Variants in RHD observed in about 807,000 individuals in gnomAD.
The protein encoded by RHD is blood group Rh(D) polypeptide.
RHD carries 16 observed loss-of-function variants against 45.5 expected under a neutral mutation model. The ratio of observed to expected loss-of-function variants is 0.35; its 90% CI spans 0.24 to 0.53. The LOEUF (loss-of-function observed/expected upper bound fraction) is 0.53. Ranked by LOEUF, RHD falls within the 20% of genes least tolerant of loss-of-function variation. RHD has a pLI of 0.92. For missense variants in RHD, 306 were observed against 532.0 expected (o/e 0.58, Z 4.18); for synonymous variants, 131 against 217.5 (o/e 0.60, Z 3.50).
chr1:25,312,957 T>TAAAAAAAAAAAAAAAA (rs1491188755), intron 7 of RHD, among the ~76,000 whole-genome samples: 2 of 24,412 alleles, frequency 8.2e-5, no homozygotes, highest in Non-Finnish European at 2.8e-4. Context: ...AAAAAAAAAC[T>TAAAAAAAAAAAAAAAA]TTAGTGCTAT....
At chr1:25,290,403 A>C (rs1642387791) in intron 2 of RHD, among the ~76,000 whole-genome samples, 1 of 125,828 alleles carries the variant, frequency 7.9e-6, no homozygotes, top group African/African-American at 2.7e-5. Context: ...AGAGTGGTTA[A>C]GTCATCTGCC....
Position 25,299,104 on chromosome 1 carries a change from G to A in RHD, c.487-1842G>A, listed in dbSNP as rs1490875765. On this transcript the variant is annotated intron_variant, in intron 3 of 9. Transcript: ENST00000328664. ...AAAAAAAAAAAAAAAAAAACAGGCT[G>A]GGAGCAGTGGCTCATGCCTGTAATC... Among the ~76,000 whole-genome samples, 9 of 125,416 alleles carry A rather than the reference G, an allele frequency of 7.2e-5. 1 individual carries two copies. The highest frequency in any genetic ancestry group is 2.5e-4 in the African/African-American group (9 of 36,570). 82.3% of individuals were successfully genotyped at this position (125,416 alleles called of 152,430 possible).
At position 25,308,005 on chromosome 1, in the gene RHD, C is replaced by G. The variant is rs671776; in HGVS notation, c.1073+1276C>G. On this transcript the variant is annotated intron_variant, in intron 7 of 9. Transcript: ENST00000328664. ...ACTTGACCTAGCAAGGTCCTACTCACATGCCTGTAGAGAACAGGCAGGGGA... is the reference window on the plus strand; with the variant it reads ...ACTTGACCTAGCAAGGTCCTACTCAGATGCCTGTAGAGAACAGGCAGGGGA... Among the ~76,000 whole-genome samples the G allele has an allele frequency of 5.4e-4, 59 of 109,380 alleles. 2 individuals are homozygous for G. The East Asian group carries it at 9.2e-3, about 17-fold the overall frequency. 71.8% of individuals were successfully genotyped at this position (109,380 alleles called of 152,430 possible).
chr1:25,306,514 G>T, intron 6 of RHD, 82 bp from the exon 7 acceptor site: 1 of 1,268,122 alleles, frequency 7.9e-7, no homozygotes. Flanking sequence ...TGGTGGCCCC[G>T]GATACCAAGG....
Position 25,314,933 on chromosome 1 carries a change from G to A in RHD, c.1074-2067G>A, listed in dbSNP as rs1225849991. 6.9e-5 allele frequency among the ~76,000 whole-genome samples: 9 copies of A among 130,546 alleles called. 3 individuals carry two copies. Among genetic ancestry groups the A allele is most frequent in the African/African-American group, 1.6e-4 (6 of 38,304 alleles). The allele number at this position is 130,546 out of a possible 152,430, so 85.6% of individuals were successfully genotyped here. On this transcript the variant is annotated intron_variant, in intron 7 of 9. Transcript: ENST00000328664. ...TTTTAAGAATTTTTGCAGCCAGCGC[G>A]GTGGCTCACACCTGTAATCCCAGCA...
In RHD at chr1:25,290,644, T is replaced by C; in HGVS notation, c.339T>C (p.Ile113=). ...TGGCTCTCCCTCTCTCCCCCAGTAT[T>C]CGGCTGGCCACCATGAGTGCTTTGT... ...SGKVVITLFS[I]RLATMSALSV... Residue 113 remains isoleucine, a synonymous_variant, in exon 3 of 10, where the codon ATT becomes ATC. Transcript: ENST00000328664. The C allele has an allele frequency of 7.3e-7, 1 of 1,377,754 alleles. No individual in the cohort carries two copies. The highest frequency in any genetic ancestry group is 1.8e-4 in the Middle Eastern group (1 of 5,494). 85.3% of individuals were successfully genotyped at this position (1,377,754 alleles called of 1,614,324 possible).
At chr1:25,276,389 T>C (rs1254339546) in intron 1 of RHD, among the ~76,000 whole-genome samples, 1 of 121,594 alleles carries the variant, frequency 8.2e-6, no homozygotes, top group East Asian at 2.0e-4. Context: ...TTTTCGTATA[T>C]GCTTTAAAAG....
At chr1:25,274,732 C>T (rs536290695) in intron 1 of RHD, among the ~76,000 whole-genome samples, 3 of 133,896 alleles carry the variant, frequency 2.2e-5, no homozygotes, top group South Asian at 2.3e-4. Context: ...AAGGGCCGGG[C>T]GACGTGGCTC....
chr1:25,323,494 C>T lies in RHD; in HGVS notation c.1227+1532C>T, dbSNP rs565840848. Among the ~76,000 whole-genome samples, 43 of 125,244 alleles carry T rather than the reference C, an allele frequency of 3.4e-4. 10 individuals carry two copies. The highest frequency in any genetic ancestry group is 7.1e-4 in the Non-Finnish European group (38 of 53,706). The allele number at this position is 125,244 out of a possible 152,430, so 82.2% of individuals were successfully genotyped here. On this transcript the variant is annotated intron_variant, in intron 9 of 9. Transcript: ENST00000328664. ...TTTTGTTTGAGACAGGGTCTCACTC[C>T]GCCACCCACACCGTAATGCAGTGGC...
chr1:25,274,906 C>T (rs1027978575), intron 1 of RHD, among the ~76,000 whole-genome samples: 1 of 131,344 alleles, frequency 7.6e-6, no homozygotes, highest in African/African-American at 2.6e-5. Flanking sequence ...ACTTGGGAGG[C>T]CATTACACTC....
intron 9 of RHD, among the ~76,000 whole-genome samples, chr1:25,322,550 G>A (rs1358068103): frequency 7.5e-6 from 1 of 132,516 alleles, no homozygotes; most frequent in African/African-American, 2.6e-5. Context: ...GCACATGCCT[G>A]TAATCCCAGT....
rs572058969 is a variant in RHD, at chr1:25,295,990, G to T, written c.487-4956G>T. 2.5e-4 allele frequency among the ~76,000 whole-genome samples: 29 copies of T among 116,112 alleles called. 5 individuals carry two copies. Among genetic ancestry groups the T allele is most frequent in the African/African-American group, 8.0e-4 (27 of 33,760 alleles). The allele number at this position is 116,112 out of a possible 152,430, so 76.2% of individuals were successfully genotyped here. A position where few individuals can be genotyped will look rare whatever the true frequency, so the allele number is the denominator to read the frequency against. On this transcript the variant is annotated intron_variant, in intron 3 of 9. Transcript: ENST00000328664. Reference sequence around the variant, plus strand: ...TGATTCTCCTGTCTCAGCTTCCCGAGTAGCTGAGATTACAGGCACACACCA... The same window carrying T: ...TGATTCTCCTGTCTCAGCTTCCCGATTAGCTGAGATTACAGGCACACACCA...
intron 3 of RHD, among the ~76,000 whole-genome samples, chr1:25,297,150 C>A (rs1345330931): frequency 2.9e-5 from 3 of 102,142 alleles, no homozygotes; most frequent in South Asian, 6.1e-4. Context: ...GCAGTTTCTT[C>A]ATCTTTCTTT....
chr1:25,291,093 C>A (rs1642460727), intron 3 of RHD, among the ~76,000 whole-genome samples: 1 of 129,796 alleles, frequency 7.7e-6, no homozygotes, highest in African/African-American at 2.6e-5. Context: ...GAGTTAGGGA[C>A]CGAGCTGGGC....
chr1:25,315,290 G>C (rs1188642664), intron 7 of RHD, among the ~76,000 whole-genome samples: 2 of 129,062 alleles, frequency 1.5e-5, no homozygotes, highest in African/African-American at 5.3e-5. Flanking sequence ...CTGAGGTTTT[G>C]ATAACCTGAA....
chr1:25,272,748 G>T lies in RHD; in HGVS notation c.148+53G>T. 3 of 1,372,330 alleles carry T rather than the reference G, an allele frequency of 2.2e-6. 1 individual carries two copies. The highest frequency in any genetic ancestry group is 3.1e-6 in the Non-Finnish European group (3 of 974,038). 85.0% of individuals were successfully genotyped at this position (1,372,330 alleles called of 1,614,324 possible). On this transcript the variant is annotated intron_variant, in intron 1 of 9. Coordinates refer to ENST00000328664, the MANE Select transcript of RHD (RefSeq NM_016124.6). ...AGGAGCAAATAGCAGGGGCAGGGGCGGGGGAGGCCTGTGGTTCTCCAGGGG... is the reference window on the plus strand; with the variant it reads ...AGGAGCAAATAGCAGGGGCAGGGGCTGGGGAGGCCTGTGGTTCTCCAGGGG...
At chr1:25,316,181 C>T (rs1318622659) in intron 7 of RHD, among the ~76,000 whole-genome samples, 3 of 130,860 alleles carry the variant, frequency 2.3e-5, no homozygotes, top group Non-Finnish European at 5.4e-5. Flanking sequence ...GAATTGAACC[C>T]CTGGGGTTGC....
intron 3 of RHD, among the ~76,000 whole-genome samples, chr1:25,291,507 T>C (rs540785397): frequency 7.9e-6 from 1 of 126,572 alleles, no homozygotes; most frequent in African/African-American, 2.9e-5. Context: ...AAAAGATTGA[T>C]AGATAGATAG....
At chr1:25,282,421 G>C (rs185471547) in intron 1 of RHD, among the ~76,000 whole-genome samples, 2 of 130,620 alleles carry the variant, frequency 1.5e-5, no homozygotes, top group East Asian at 3.9e-4. Flanking sequence ...TTTTAGTAGA[G>C]ACGGGGTTTC....
Sources: allele counts gnomAD v4.1 joint callset (sites outside exome capture counted in the v4.1 genomes callset), GRCh38; gene constraint gnomAD v4.1.1; transcripts MANE v1.5; gene names NCBI Gene and HGNC (gene_info 2026-07-23, HGNC 2026-07-21).